The following SECISBP2L variants were observed in gnomAD, a reference collection of about 807,000 sequenced individuals.
SECISBP2L encodes the protein selenocysteine insertion sequence-binding protein 2-like.
Under a neutral mutation model 114.7 loss-of-function variants are expected in SECISBP2L, and 43 were observed. The ratio of observed to expected loss-of-function variants is 0.38; its 90% CI spans 0.29 to 0.48. The LOEUF (loss-of-function observed/expected upper bound fraction) is 0.48, where lower values mean the gene tolerates loss of function less well. Among genes scored for constraint, SECISBP2L ranks in the 20% least tolerant of loss-of-function variants. The pLI, the probability that SECISBP2L is intolerant of heterozygous loss-of-function variation, is 0.98. For missense variants in SECISBP2L, 1,136 were observed against 1,301.1 expected, an observed-to-expected ratio of 0.87 and a Z score of 1.95; for synonymous variants, 451 against 439.7, an observed-to-expected ratio of 1.03 and a Z score of -0.32.
chr15:49,045,533 G>A (rs1566865726), intron 1 of SECISBP2L, among the ~76,000 whole-genome samples: 1 of 152,132 alleles, frequency 6.6e-6, no homozygotes, highest in Non-Finnish European at 1.5e-5. Flanking sequence ...TTTTAACACT[G>A]TTATCATCCC....
chr15:49,005,805 C>A (rs1158770153), intron 14 of SECISBP2L, among the ~76,000 whole-genome samples: 1 of 151,936 alleles, frequency 6.6e-6, no homozygotes, highest in Non-Finnish European at 1.5e-5. Flanking sequence ...ATGATGCTAG[C>A]TGGTTATTTT....
rs1336994492 is a variant in SECISBP2L, at chr15:48,990,857, G to A, written c.*1387C>T. ...ATGTGTGCATGTGTGTGAGGGGGGT[G>A]GGGGGGACAGTTGGGGGTGGTGGGG... On this transcript the variant is annotated 3_prime_UTR_variant, in exon 18 of 18. Coordinates refer to ENST00000559471, the MANE Select transcript of SECISBP2L (RefSeq NM_001193489.2). 2 of 148,534 alleles carry A rather than the reference G, an allele frequency of 1.3e-5. No homozygotes were observed. The highest frequency in any genetic ancestry group is 3.0e-5 in the Non-Finnish European group (2 of 67,170). The allele number at this position is 148,534 out of a possible 1,614,324, so 9.2% of individuals were successfully genotyped here. A position where few individuals can be genotyped will look rare whatever the true frequency, so the allele number is the denominator to read the frequency against.
At chr15:49,029,550 C>T (rs1383338419) in intron 4 of SECISBP2L, among the ~76,000 whole-genome samples, 1 of 152,148 alleles carries the variant, frequency 6.6e-6, no homozygotes, top group South Asian at 2.1e-4. Flanking sequence ...ATCCTTTGTA[C>T]CACTGATGAG....
chr15:49,045,308 G>A (rs1903221929), intron 1 of SECISBP2L, among the ~76,000 whole-genome samples: 2 of 152,192 alleles, frequency 1.3e-5, no homozygotes, highest in South Asian at 4.1e-4. Context: ...AGGAATTTGG[G>A]AAATCTTATC....
At chr15:49,036,688 C>T (rs1395713970) in intron 2 of SECISBP2L, among the ~76,000 whole-genome samples, 1 of 152,210 alleles carries the variant, frequency 6.6e-6, no homozygotes, top group Non-Finnish European at 1.5e-5. Context: ...TTGTCTAACC[C>T]TCAAGACTCT....
chr15:49,034,129 C>T (rs564187646), intron 3 of SECISBP2L, among the ~76,000 whole-genome samples: 1 of 152,044 alleles, frequency 6.6e-6, no homozygotes, highest in Non-Finnish European at 1.5e-5. Context: ...TTAAAGCAAT[C>T]TCTGCTGCTT....
In SECISBP2L at chr15:48,989,778, T is replaced by C. The variant is rs1246062176; in HGVS notation, c.*2466A>G. 6.6e-6 allele frequency: 1 copy of C among 152,282 alleles called. No homozygotes were observed. The highest frequency in any genetic ancestry group is 1.5e-5 in the Non-Finnish European group (1 of 68,034). The allele number at this position is 152,282 out of a possible 1,614,324, so 9.4% of individuals were successfully genotyped here. A position where few individuals can be genotyped will look rare whatever the true frequency, so the allele number is the denominator to read the frequency against. On this transcript the variant is annotated 3_prime_UTR_variant, in exon 18 of 18. Coordinates refer to ENST00000559471, the MANE Select transcript of SECISBP2L (RefSeq NM_001193489.2). Reference sequence around the variant, plus strand: ...ACCCTTACTCTTCCCACTGGATCTCTTTATAGGTCTTCAAAGAGCCAACCA... The same window carrying C: ...ACCCTTACTCTTCCCACTGGATCTCCTTATAGGTCTTCAAAGAGCCAACCA...
chr15:48,992,313 C>T lies in SECISBP2L; in HGVS notation c.3237G>A (p.Gln1079=). The T allele has an allele frequency of 6.2e-7, 1 of 1,613,984 alleles. No individual in the cohort carries two copies. Among genetic ancestry groups the T allele is most frequent in the Non-Finnish European group, 8.5e-7 (1 of 1,179,942 alleles). The part of the protein sequence containing the change: ...TADQQASPGQ[Q]KSSNCSSLNK... ...TGAGCGAGCTGCAGTTGCTGGACTTCTGCTGCCCAGGACTGGCCTGCTGGT... is the reference window on the plus strand; with the variant it reads ...TGAGCGAGCTGCAGTTGCTGGACTTTTGCTGCCCAGGACTGGCCTGCTGGT... Residue 1079 remains glutamine (Q), a synonymous_variant, in exon 18 of 18, where the codon CAG becomes CAA. Coordinates refer to ENST00000559471, the MANE Select transcript of SECISBP2L (RefSeq NM_001193489.2).
At chr15:49,037,453 A>T (rs1266443979) in intron 2 of SECISBP2L, 138 bp downstream of exon 2, 4 of 735,700 alleles carry the variant, frequency 5.4e-6, no homozygotes, top group African/African-American at 5.4e-5. Flanking sequence ...CAATTTCCAA[A>T]TTTCAGTATC....
chr15:48,996,676 A>AGGGTC (rs1298740023), intron 16 of SECISBP2L, 90 bp from the exon 17 acceptor site: 23 of 1,140,376 alleles, frequency 2.0e-5, no homozygotes, highest in Non-Finnish European at 2.8e-5. Context: ...TGTTTGTTTC[A>AGGGTC]GGGTCAGACA....
In SECISBP2L at chr15:48,999,730, C is replaced by T. The variant is rs1334093504; in HGVS notation, c.2403+103G>A. 7 of 1,274,350 alleles carry T rather than the reference C, an allele frequency of 5.5e-6. No individual in the cohort carries two copies. In the African/African-American group the frequency reaches 7.4e-5, roughly 13 times the overall value. 78.9% of individuals were successfully genotyped at this position (1,274,350 alleles called of 1,614,324 possible). A position where few individuals can be genotyped will look rare whatever the true frequency, so the allele number is the denominator to read the frequency against. On this transcript the variant is annotated intron_variant, in intron 16 of 17. Transcript: ENST00000559471. ...TTATTCTTTCAGGGTTGTCAACTCA[C>T]TCCTTCAAATGCTTAAACATAACAC...
intron 17 of SECISBP2L, among the ~76,000 whole-genome samples, 170 bp downstream of exon 17, chr15:48,996,197 C>G (rs964309893): frequency 2.0e-5 from 3 of 152,068 alleles, no homozygotes; most frequent in African/African-American, 7.2e-5. Context: ...AAGTCTCAGT[C>G]CCAAATATTC....
chr15:49,028,092 G>A, intron 6 of SECISBP2L, 52 bp downstream of exon 6: 1 of 1,509,194 alleles, frequency 6.6e-7, no homozygotes. Context: ...GGAAAACTCT[G>A]ATATGGACAA....
chr15:49,030,071 ACT>A (rs1163182750), intron 4 of SECISBP2L, among the ~76,000 whole-genome samples: 64 of 150,924 alleles, frequency 4.2e-4, no homozygotes, highest in African/African-American at 1.5e-3. Context: ...AAAAAACAAG[ACT>A]CTCTTTGAAC....
chr15:48,998,124 T>C (rs187885456), intron 16 of SECISBP2L, among the ~76,000 whole-genome samples: 1 of 152,210 alleles, frequency 6.6e-6, no homozygotes, highest in African/African-American at 2.4e-5. Context: ...AGAATCTGTT[T>C]AATTTTATAG....
At position 48,989,176 on chromosome 15, in the gene SECISBP2L, T is replaced by C. The variant is rs1330959678; in HGVS notation, c.*3068A>G. 1.3e-5 allele frequency: 2 copies of C among 152,520 alleles called. No individual in the cohort carries two copies. Among genetic ancestry groups the C allele is most frequent in the Non-Finnish European group, 2.9e-5 (2 of 68,050 alleles). 9.4% of individuals were successfully genotyped at this position (152,520 alleles called of 1,614,324 possible). ...GCAGCTTTACAAACAGTAATACTTC[T>C]TTATACATATATTAAAGTAACAATG... On this transcript the variant is annotated 3_prime_UTR_variant, in exon 18 of 18. Transcript: ENST00000559471.
intron 7 of SECISBP2L, among the ~76,000 whole-genome samples, chr15:49,024,722 A>G (rs1210381977): frequency 2.6e-5 from 4 of 152,180 alleles, no homozygotes; most frequent in African/African-American, 9.6e-5. Flanking sequence ...GCCTAAAAAC[A>G]ATCAGAAATT....
At position 49,046,371 on chromosome 15, in the gene SECISBP2L, C is replaced by T. The variant is rs1429061341; in HGVS notation, c.-72G>A. ...CCTCGGGCCGCTTTCTCCATGGCCC[C>T]CCGCTCGGGTCCAGACTGGGTTCCG... On this transcript the variant is annotated 5_prime_UTR_variant, in exon 1 of 18. Coordinates refer to ENST00000559471, the MANE Select transcript of SECISBP2L (RefSeq NM_001193489.2). The T allele has an allele frequency of 1.7e-5, 24 of 1,398,852 alleles. No homozygotes were observed. The highest frequency in any genetic ancestry group is 6.1e-5 in the Admixed American group (2 of 32,814). 86.7% of individuals were successfully genotyped at this position (1,398,852 alleles called of 1,614,324 possible).
intron 7 of SECISBP2L, among the ~76,000 whole-genome samples, chr15:49,021,884 C>A (rs774295383): frequency 6.6e-6 from 1 of 151,996 alleles, no homozygotes; most frequent in Non-Finnish European, 1.5e-5. Context: ...GTCAGCTCTT[C>A]TAAGAAAGAG....
Sources: allele counts gnomAD v4.1 joint callset (sites outside exome capture counted in the v4.1 genomes callset), GRCh38; gene constraint gnomAD v4.1.1; transcripts MANE v1.5; gene names NCBI Gene and HGNC (gene_info 2026-07-23, HGNC 2026-07-21).